Variants in SYT1 observed in about 807,000 individuals in gnomAD.
SYT1 encodes synaptotagmin-1.
In SYT1, 8 loss-of-function variants were observed where a neutral mutation model predicts 44.8. The observed-to-expected ratio is 0.18, with a 90% CI of 0.10 to 0.32. The LOEUF (loss-of-function observed/expected upper bound fraction) is 0.32. SYT1 is among the 10% of genes least tolerant of loss of function. The pLI, the probability that SYT1 is intolerant of heterozygous loss-of-function variation, is 1.00. For missense variants in SYT1, 286 were observed against 509.3 expected (o/e 0.56, Z 4.22); for synonymous variants, 154 against 188.8 (o/e 0.82, Z 1.51).
intron 3 of SYT1, among the ~76,000 whole-genome samples, chr12:79,064,967 A>AGAAAGAAAGAAAGAAAGAAAGAAAGAAG (rs1565789364): frequency 1.7e-4 from 25 of 150,946 alleles, no homozygotes; most frequent in African/African-American, 5.4e-4. Flanking sequence ...AAAGAAAGAA[A>AGAAAGAAAGAAAGAAAGAAAGAAAGAAG]GAAAGAAAGA....
At chr12:79,033,880 C>T (rs1229853378) in intron 2 of SYT1, among the ~76,000 whole-genome samples, 1 of 151,450 alleles carries the variant, frequency 6.6e-6, no homozygotes, top group Non-Finnish European at 1.5e-5. Context: ...CTTAGATTTT[C>T]ACTCATATTT....
chr12:79,041,268 C>A (rs1260384958), intron 2 of SYT1, among the ~76,000 whole-genome samples: 2 of 152,052 alleles, frequency 1.3e-5, no homozygotes, highest in African/African-American at 2.4e-5. Context: ...ATGGAATGTT[C>A]TTCCATTTGT....
At chr12:79,172,716 A>G (rs1474829685) in intron 3 of SYT1, among the ~76,000 whole-genome samples, 1 of 151,726 alleles carries the variant, frequency 6.6e-6, no homozygotes, top group East Asian at 1.9e-4. Context: ...TTATCTGTAA[A>G]CAGTTTTGAT....
intron 10 of SYT1, among the ~76,000 whole-genome samples, chr12:79,444,608 T>G (rs2136202693): frequency 6.6e-6 from 1 of 152,276 alleles, no homozygotes; most frequent in African/African-American, 2.4e-5. Context: ...ATATTTTTGG[T>G]TGATGCTAAA....
chr12:79,065,099 G>A (rs548082264), intron 3 of SYT1, among the ~76,000 whole-genome samples: 8 of 152,254 alleles, frequency 5.3e-5, no homozygotes, highest in South Asian at 2.1e-4. Flanking sequence ...GGAGGCCAGC[G>A]TAGTGGCTTG....
chr12:78,916,017 G>T (rs1422345213), intron 1 of SYT1, among the ~76,000 whole-genome samples: 1 of 151,938 alleles, frequency 6.6e-6, no homozygotes, highest in Non-Finnish European at 1.5e-5. Flanking sequence ...ACTTTAATCG[G>T]ATGTTTTTGT....
chr12:79,343,658 T>A (rs952482314), intron 8 of SYT1, among the ~76,000 whole-genome samples: 1 of 152,220 alleles, frequency 6.6e-6, no homozygotes, highest in Non-Finnish European at 1.5e-5. Flanking sequence ...TTTTGTCTTT[T>A]GTCAGTAATA....
rs1434786916 is a variant in SYT1 at position 79,450,811 on chromosome 12, G to T, written c.*1687G>T. 6.6e-6 allele frequency: 1 copy of T among 152,630 alleles called. No individual in the cohort carries two copies. The highest frequency in any genetic ancestry group is 1.5e-5 in the Non-Finnish European group (1 of 68,046). 9.5% of individuals were successfully genotyped at this position (152,630 alleles called of 1,614,324 possible). A position where few individuals can be genotyped will look rare whatever the true frequency, so the allele number is the denominator to read the frequency against. ...AACACAGCATTTTGTCAAGCACTGT[G>T]CAATATTCCATATTTTTCCCCACTA... On this transcript the variant is annotated 3_prime_UTR_variant, in exon 11 of 11. Transcript: ENST00000261205.
intron 3 of SYT1, among the ~76,000 whole-genome samples, chr12:79,179,502 T>C (rs1872344126): frequency 8.8e-6 from 1 of 114,164 alleles, no homozygotes; most frequent in Non-Finnish European, 1.7e-5. Context: ...TCTATATAGA[T>C]ATAGATATAG....
intron 5 of SYT1, 46 bp downstream of exon 5, chr12:79,286,017 TAAAC>T (rs1565891168): frequency 4.5e-6 from 7 of 1,546,246 alleles, no homozygotes; most frequent in African/African-American, 2.8e-5. Flanking sequence ...TTAAAAAAGA[TAAAC>T]AAATGTATTA....
intron 6 of SYT1, among the ~76,000 whole-genome samples, chr12:79,294,344 G>A (rs1879776928): frequency 6.6e-6 from 1 of 151,884 alleles, no homozygotes; most frequent in African/African-American, 2.4e-5. Flanking sequence ...TTACACATTG[G>A]TTTTTCCCAA....
chr12:79,430,980 G>A (rs1869742402), intron 9 of SYT1, among the ~76,000 whole-genome samples: 1 of 152,236 alleles, frequency 6.6e-6, no homozygotes, highest in Non-Finnish European at 1.5e-5. Context: ...CACTCAGTGA[G>A]TGAGTGAATA....
Position 79,129,458 on chromosome 12 carries a change from G to C in SYT1, c.-18+82096G>C, listed in dbSNP as rs77451767. Reference sequence around the variant, plus strand: ...GTCTATGAAAGAGCACAGTCAAGCTGATAAAAGTTATACTGAAAGGAAGAG... The same window carrying C: ...GTCTATGAAAGAGCACAGTCAAGCTCATAAAAGTTATACTGAAAGGAAGAG... On this transcript the variant is annotated intron_variant, in intron 3 of 10. Coordinates refer to ENST00000261205, the MANE Select transcript of SYT1 (RefSeq NM_005639.3). Among the ~76,000 whole-genome samples the C allele has an allele frequency of 4.0e-3, 603 of 152,282 alleles. 7 individuals carry two copies. The highest frequency in any genetic ancestry group is 0.014 in the African/African-American group (570 of 41,572).
intron 1 of SYT1, among the ~76,000 whole-genome samples, chr12:78,919,832 G>C (rs548526042): frequency 6.6e-6 from 1 of 151,936 alleles, no homozygotes; most frequent in Admixed American, 6.6e-5. Context: ...ATTTTTACCT[G>C]TCCAAGAAAG....
At chr12:78,915,560 C>T (rs1007253487) in intron 1 of SYT1, among the ~76,000 whole-genome samples, 1 of 151,982 alleles carries the variant, frequency 6.6e-6, no homozygotes, top group Non-Finnish European at 1.5e-5. Context: ...ATAAAATACA[C>T]TTGCCAAAAA....
chr12:79,092,559 A>T (rs1480511823), intron 3 of SYT1, among the ~76,000 whole-genome samples: 1 of 148,994 alleles, frequency 6.7e-6, no homozygotes, highest in Non-Finnish European at 1.5e-5. Context: ...CCATGTGCCA[A>T]ACAAAAAAGT....
intron 4 of SYT1, among the ~76,000 whole-genome samples, chr12:79,252,933 G>T (rs1416618258): frequency 6.6e-6 from 1 of 152,090 alleles, no homozygotes; most frequent in Non-Finnish European, 1.5e-5. Context: ...GAACAGCTGT[G>T]GCAGCTCCAA....
chr12:78,932,270 G>C (rs978079855), intron 1 of SYT1, among the ~76,000 whole-genome samples: 1 of 152,088 alleles, frequency 6.6e-6, no homozygotes, highest in African/African-American at 2.4e-5. Context: ...ACCAATTGTA[G>C]CTTATAGAAT....
chr12:79,040,866 T>A (rs1302755639), intron 2 of SYT1, among the ~76,000 whole-genome samples: 14 of 150,540 alleles, frequency 9.3e-5, no homozygotes, highest in Non-Finnish European at 1.2e-4. Flanking sequence ...CCCAGCACCA[T>A]TTATTAAATA....
Sources: gnomAD v4.1 joint callset for allele counts (sites outside exome capture counted in the v4.1 genomes callset) on GRCh38, gnomAD v4.1.1 for gene constraint, MANE v1.5 for transcripts, NCBI Gene and HGNC (gene_info 2026-07-23, HGNC 2026-07-21) for gene names.